PTPN18: variants seen among roughly 807,000 people sequenced by gnomAD.
The protein encoded by PTPN18 is tyrosine-protein phosphatase non-receptor type 18.
In PTPN18, 65 loss-of-function variants were observed where a neutral mutation model predicts 65.4. The observed-to-expected ratio is 0.99, with a 90% confidence interval of 0.81 to 1.22. PTPN18 has a LOEUF of 1.22. Among genes scored for constraint, PTPN18 ranks in the 50% most tolerant of loss-of-function variants. PTPN18 has a pLI of 0.00. For missense variants in PTPN18, 616 were observed against 646.5 expected (o/e 0.95, Z 0.51); for synonymous variants, 255 against 267.8 (o/e 0.95, Z 0.47).
intron 12 of PTPN18, 66 bp from the exon 13 acceptor site, chr2:130,372,191 A>G (rs1680586572): frequency 1.4e-6 from 2 of 1,441,550 alleles, no homozygotes; most frequent in Admixed American, 2.1e-5. Flanking sequence ...CGCGCTGAGC[A>G]GCCTCCCCAC....
At chr2:130,365,341 T>C (rs1384031669) in intron 5 of PTPN18, among the ~76,000 whole-genome samples, 23 of 152,222 alleles carry the variant, frequency 1.5e-4, no homozygotes, top group African/African-American at 5.5e-4. Context: ...GGTACCTCAT[T>C]GTGGTTTTGG....
chr2:130,369,293 C>A, intron 6 of PTPN18, 92 bp downstream of exon 6: 1 of 1,181,680 alleles, frequency 8.5e-7, no homozygotes, highest in Non-Finnish European at 1.2e-6. Context: ...ACAGTCCACT[C>A]ATACTGCAGG....
Position 130,374,518 on chromosome 2 carries a change from A to T in PTPN18, c.*1294A>T. 1 of 418,726 alleles carries T rather than the reference A, an allele frequency of 2.4e-6. No individual in the cohort carries two copies. The highest frequency in any genetic ancestry group is 1.8e-5 in the South Asian group (1 of 56,866). 25.9% of individuals were successfully genotyped at this position (418,726 alleles called of 1,614,324 possible). ...GGCCCATGGTAGGGTTCCTGCTAGG[A>T]TAAAACATTAAGCGGCTGTTAAAAG... On this transcript the variant is annotated 3_prime_UTR_variant, in exon 15 of 15. Coordinates refer to ENST00000175756, the MANE Select transcript of PTPN18 (RefSeq NM_014369.4).
In PTPN18 at chr2:130,370,611, G is replaced by T. The variant is rs752730545; in HGVS notation, c.744G>T (p.Leu248=). 6.2e-7 allele frequency: 1 copy of T among 1,614,166 alleles called. No homozygotes were observed. Among genetic ancestry groups the T allele is most frequent in the Non-Finnish European group, 8.5e-7 (1 of 1,180,034 alleles). Residue 248 remains leucine, a synonymous_variant, in exon 9 of 15, where the codon CTG becomes CTT. Transcript: ENST00000175756. The stretch of plus-strand genomic sequence containing the variant: ...GCACCGTGGATTATGTGAGGCAGCT[G>T]CTCCTGACCCAGGTACGATACAGGC... ...VLCTVDYVRQ[L]LLTQMIPPDF...
chr2:130,356,114 C>T lies in PTPN18; in HGVS notation c.7C>T (p.Arg3Cys). ...CTTGCTGGCCCGCGGCGCCATGAGC[C>T]GCAGCCTGGACTCGGCGCGGAGCTT... MS[R>C]SLDSARSFLE... Residue 3 changes from arginine (R) to cysteine (C), a missense_variant, in exon 1 of 15, where the codon CGC (arginine) becomes TGC (cysteine). Transcript: ENST00000175756. 2.3e-6 allele frequency: 3 copies of T among 1,304,966 alleles called. No homozygotes were observed. The South Asian group carries it at 6.6e-5, about 29-fold the overall frequency. 80.8% of individuals were successfully genotyped at this position (1,304,966 alleles called of 1,614,324 possible).
intron 13 of PTPN18, 158 bp downstream of exon 13, chr2:130,372,641 C>A: frequency 1.9e-6 from 2 of 1,071,646 alleles, no homozygotes; most frequent in Non-Finnish European, 2.6e-6. Flanking sequence ...CTGGCCACGC[C>A]CCGGAAGCGC....
At chr2:130,372,669 C>A (rs757904226) in intron 13 of PTPN18, 186 bp downstream of exon 13, 11 of 983,102 alleles carry the variant, frequency 1.1e-5, no homozygotes, top group South Asian at 1.8e-5. Context: ...CGGTCGCAGT[C>A]GCGGTCCAGG....
rs1317756155 is a variant in PTPN18, at chr2:130,373,059, A to G, written c.1316-98A>G. The stretch of plus-strand genomic sequence containing the variant: ...CCTGTGGATGTGGCTGCAGTGAACC[A>G]GGAGGACCTGGAGGCGGGGGGATGG... On this transcript the variant is annotated intron_variant, in intron 14 of 14. Transcript: ENST00000175756. The surrounding 1 kb of genome is among the most constrained non-coding windows in gnomAD (Gnocchi z 4.1). 8.4e-6 allele frequency: 13 copies of G among 1,551,304 alleles called. No individual in the cohort carries two copies. The African/African-American group carries it at 1.1e-4, about 13-fold the overall frequency.
chr2:130,359,510 C>A lies in PTPN18; in HGVS notation c.375+18C>A, dbSNP rs372863212. The A allele has an allele frequency of 1.2e-6, 2 of 1,613,330 alleles. No individual in the cohort carries two copies. Among genetic ancestry groups the A allele is most frequent in the African/African-American group, 1.3e-5 (1 of 74,870 alleles). Reference sequence around the variant, plus strand: ...GGGTCAAGGTCAGCACTTGGGGGTGCGGCACAATGGTGGGGTCAACATCTA... The same window carrying A: ...GGGTCAAGGTCAGCACTTGGGGGTGAGGCACAATGGTGGGGTCAACATCTA... On this transcript the variant is annotated intron_variant, in intron 4 of 14. Coordinates refer to ENST00000175756, the MANE Select transcript of PTPN18 (RefSeq NM_014369.4).
At chr2:130,356,246 C>T (rs1679966242) in intron 1 of PTPN18, 46 bp downstream of exon 1, 2 of 1,222,440 alleles carry the variant, frequency 1.6e-6, no homozygotes, top group South Asian at 2.3e-5. Flanking sequence ...CGGCCCTGGC[C>T]CTGCGTACGC....
chr2:130,373,040 G>T lies in PTPN18; in HGVS notation c.1315+93G>T. The T allele has an allele frequency of 6.4e-7, 1 of 1,566,850 alleles. No homozygotes were observed. The highest frequency in any genetic ancestry group is 8.8e-7 in the Non-Finnish European group (1 of 1,141,228). On this transcript the variant is annotated intron_variant, in intron 14 of 14. Transcript: ENST00000175756. The surrounding 1 kb of genome is among the most constrained non-coding windows in gnomAD (Gnocchi z 4.1). ...ATGGGGCATGGAGCTTAGTCCTGTG[G>T]ATGTGGCTGCAGTGAACCAGGAGGA...
In PTPN18 at chr2:130,372,914, G is replaced by A; in HGVS notation, c.1282G>A (p.Asp428Asn). Reference protein sequence around the residue: ...QSPAGSGAYEDVAGGAQTGGL... With the variant: ...QSPAGSGAYENVAGGAQTGGL... ...TCCTGCCGGATCTGGCGCCTACGAGGACGTGGCGGGTGGAGCTCAGACCGG... is the reference window on the plus strand; with the variant it reads ...TCCTGCCGGATCTGGCGCCTACGAGAACGTGGCGGGTGGAGCTCAGACCGG... The change falls in exon 14 of 15, where the codon GAC becomes AAC. Residue 428 changes from aspartate (D) to asparagine (N), a missense_variant. Transcript: ENST00000175756. 1 of 1,614,190 alleles carries A rather than the reference G, an allele frequency of 6.2e-7. No homozygotes were observed.
At chr2:130,372,578 G>A (rs1680609488) in intron 13 of PTPN18, 95 bp downstream of exon 13, 3 of 1,354,346 alleles carry the variant, frequency 2.2e-6, no homozygotes, top group Non-Finnish European at 2.9e-6. Context: ...TGGCGGCCGC[G>A]GGGACCCCAG....
chr2:130,364,428 TTTGTTTATCCATTCGCCTG>T (rs1310724090), intron 5 of PTPN18, among the ~76,000 whole-genome samples: 1 of 152,216 alleles, frequency 6.6e-6, no homozygotes, highest in Non-Finnish European at 1.5e-5. Flanking sequence ...TATATCACAT[TTTGTTTATCCATTCGCCTG>T]TTGGACATCT....
chr2:130,366,533 T>A (rs1243146448), intron 5 of PTPN18, among the ~76,000 whole-genome samples: 1 of 152,202 alleles, frequency 6.6e-6, no homozygotes, highest in African/African-American at 2.4e-5. Flanking sequence ...TTTGTGTCTA[T>A]GTTTGTGAGA....
chr2:130,365,967 A>G (rs1421855614), intron 5 of PTPN18, among the ~76,000 whole-genome samples: 4 of 152,230 alleles, frequency 2.6e-5, no homozygotes, highest in African/African-American at 9.6e-5. Flanking sequence ...TTTGATTATT[A>G]TACCTTTGTA....
At chr2:130,370,820 C>T (rs1405124586) in intron 10 of PTPN18, 38 bp downstream of exon 10, 2 of 1,611,676 alleles carry the variant, frequency 1.2e-6, no homozygotes, top group Non-Finnish European at 1.7e-6. Context: ...GGACAGTGGC[C>T]CACTGCTGTC....
intron 5 of PTPN18, among the ~76,000 whole-genome samples, chr2:130,364,178 TTCA>T (rs1389709226): frequency 6.6e-6 from 1 of 152,186 alleles, no homozygotes; most frequent in Non-Finnish European, 1.5e-5. Context: ...TCAGAACATG[TTCA>T]TCATCCCAAA....
At chr2:130,371,899 T>C (rs933971052) in intron 12 of PTPN18, 4 of 246,460 alleles carry the variant, frequency 1.6e-5, no homozygotes, top group East Asian at 1.7e-4. Flanking sequence ...GGACATGGGA[T>C]TGAGCCGCCT....
Sources: gnomAD v4.1 joint callset for allele counts (sites outside exome capture counted in the v4.1 genomes callset) on GRCh38, gnomAD v4.1.1 for gene constraint, Gnocchi (gnomAD v3.1) non-coding constraint, MANE v1.5 for transcripts, NCBI Gene and HGNC (gene_info 2026-07-23, HGNC 2026-07-21) for gene names.